The following KIAA0586 variants were observed in gnomAD, a reference collection of about 807,000 sequenced individuals.
The protein encoded by KIAA0586 is KIAA0586, also known as protein TALPID3.
In KIAA0586, 144 loss-of-function variants were observed where a neutral mutation model predicts 169.8. That is an observed-to-expected ratio of 0.85 (90% CI 0.74 to 0.97). The LOEUF (loss-of-function observed/expected upper bound fraction) is 0.97. Among genes scored for constraint, KIAA0586 ranks in the 50% least tolerant of loss-of-function variants. The pLI is 0.00. For missense variants in KIAA0586, 1,854 were observed against 1,823.0 expected (o/e 1.02, Z -0.31); for synonymous variants, 625 against 612.4 (o/e 1.02, Z -0.30).
chr14:58,482,003 G>A (rs775389450), intron 20 of KIAA0586, among the ~76,000 whole-genome samples: 2 of 151,596 alleles, frequency 1.3e-5, no homozygotes, highest in African/African-American at 2.4e-5. Flanking sequence ...TAGTAGAGAC[G>A]GGGTTTCACC....
intron 17 of KIAA0586, among the ~76,000 whole-genome samples, chr14:58,471,577 C>T (rs1187860260): frequency 6.6e-6 from 1 of 152,134 alleles, no homozygotes; most frequent in Non-Finnish European, 1.5e-5. Flanking sequence ...AGCAATCTTT[C>T]ATGATCATAA....
intron 30 of KIAA0586, 99 bp from the exon 31 acceptor site, chr14:58,547,682 G>GGGGGCCC: frequency 1.0e-6 from 1 of 964,700 alleles, no homozygotes; most frequent in Non-Finnish European, 1.5e-6. Flanking sequence ...TTTGGAATCC[G>GGGGGCCC]CGCCCCCCCA....
Position 58,474,737 on chromosome 14 carries a change from C to T in KIAA0586, c.2765C>T (p.Ala922Val), listed in dbSNP as rs778611816. Residue 922 changes from alanine to valine, a missense_variant, in exon 19 of 31, where the codon GCT becomes GTT. By Grantham distance (64) the Ala-to-Val change is moderately conservative. Coordinates refer to ENST00000652326, the MANE Select transcript of KIAA0586 (RefSeq NM_001329943.3). ...GTTGCTTCTACTTTTCAGCCCACTGCTGATATTCTGGATAAAGTAATTGAG... is the reference window on the plus strand; with the variant it reads ...GTTGCTTCTACTTTTCAGCCCACTGTTGATATTCTGGATAAAGTAATTGAG... ...PPVASTFQPTADILDKVIERK... is the reference protein window; with the variant it reads ...PPVASTFQPTVDILDKVIERK... 4.3e-6 allele frequency: 7 copies of T among 1,612,736 alleles called. No individual in the cohort carries two copies. In the African/African-American group the frequency reaches 6.7e-5, roughly 15 times the overall value.
At chr14:58,472,734 A>G (rs2041322828) in intron 18 of KIAA0586, among the ~76,000 whole-genome samples, 1 of 151,684 alleles carries the variant, frequency 6.6e-6, no homozygotes. Flanking sequence ...AAATAGAGGG[A>G]AAAATAGGTG....
chr14:58,488,197 A>G (rs1049781582), intron 23 of KIAA0586, 88 bp downstream of exon 23: 3 of 1,066,166 alleles, frequency 2.8e-6, no homozygotes, highest in Admixed American at 4.9e-5. Context: ...ATATTATACA[A>G]AGCTTTATAA....
At chr14:58,431,889 T>A (rs2037403650) in intron 3 of KIAA0586, among the ~76,000 whole-genome samples, 1 of 152,206 alleles carries the variant, frequency 6.6e-6, no homozygotes, top group African/African-American at 2.4e-5. Context: ...TATTAGTGTA[T>A]AGAAACGCTA....
intron 2 of KIAA0586, among the ~76,000 whole-genome samples, chr14:58,430,253 A>T (rs2140400348): frequency 6.6e-6 from 1 of 152,246 alleles, no homozygotes; most frequent in East Asian, 1.9e-4. Context: ...AATTGAGAAT[A>T]AATGGGTGAT....
At position 58,484,906 on chromosome 14, in the gene KIAA0586, A is replaced by ATATATATTTT. The variant is rs1555391514; in HGVS notation, c.3145-2094_3145-2093insTTTTATATAT. Among the ~76,000 whole-genome samples the ATATATATTTT allele has an allele frequency of 1.8e-3, 47 of 26,198 alleles. 4 individuals carry two copies. The highest frequency in any genetic ancestry group is 3.1e-3 in the Non-Finnish European group (41 of 13,332). 17.2% of individuals were successfully genotyped at this position (26,198 alleles called of 152,430 possible). A position where few individuals can be genotyped will look rare whatever the true frequency, so the allele number is the denominator to read the frequency against. ...TATATATATTTATATATATATATAT[A>ATATATATTTT]TATATATATATATATATATTTTTTT... On this transcript the variant is annotated intron_variant, in intron 21 of 30. Coordinates refer to ENST00000652326, the MANE Select transcript of KIAA0586 (RefSeq NM_001329943.3).
chr14:58,457,607 G>C lies in KIAA0586; in HGVS notation c.1363-152G>C, dbSNP rs1261035462. On this transcript the variant is annotated intron_variant, in intron 10 of 30. Coordinates refer to ENST00000652326, the MANE Select transcript of KIAA0586 (RefSeq NM_001329943.3). ...TAAATGGAGGAAAAACACTTTGATT[G>C]CCAAGTATTCTTTTGTAAGTCTTCA... Among the ~76,000 whole-genome samples, 7 of 152,166 alleles carry C rather than the reference G, an allele frequency of 4.6e-5. No individual in the cohort carries two copies. The East Asian group carries it at 1.3e-3, about 29-fold the overall frequency.
intron 6 of KIAA0586, 35 bp downstream of exon 6, chr14:58,444,210 CT>C: frequency 7.6e-7 from 1 of 1,317,510 alleles, no homozygotes; most frequent in Non-Finnish European, 1.1e-6. Context: ...ATTCCATAAT[CT>C]TTTATCACTT....
At chr14:58,450,333 T>C (rs2039261402) in intron 7 of KIAA0586, among the ~76,000 whole-genome samples, 1 of 152,206 alleles carries the variant, frequency 6.6e-6, no homozygotes, top group Non-Finnish European at 1.5e-5. Context: ...CCTGCCAGTT[T>C]CACCGCAGCT....
intron 20 of KIAA0586, among the ~76,000 whole-genome samples, chr14:58,480,342 CT>C (rs200827035): frequency 0.04 from 602 of 14,872 alleles, 5 homozygotes; most frequent in African/African-American, 0.092. Context: ...AATTCTTCCT[CT>C]TTTAAAAAAA....
At position 58,470,956 on chromosome 14, in the gene KIAA0586, A is replaced by G. The variant is rs1748987; in HGVS notation, c.2553+233A>G. Among the ~76,000 whole-genome samples, 148,503 of 151,952 alleles carry G rather than the reference A, an allele frequency of 0.98. 72,650 individuals carry two copies. The highest frequency in any genetic ancestry group is 1 in the Non-Finnish European group (67,874 of 67,912). On this transcript the variant is annotated intron_variant, in intron 17 of 30. Transcript: ENST00000652326. ...AACCTCCGCCTCCCGGGTTCAACCA[A>G]TTCTCCTGCCTCAGCCTCCTGAGTA...
At position 58,467,859 on chromosome 14, in the gene KIAA0586, A is replaced by G. The variant is rs771570140; in HGVS notation, c.2379A>G (p.Lys793=). ...GAAAAGTAGAAACTGGAGTAAAGAA[A>G]CCTAACATAGCCATTGTAGAAATGA... ...SSRKVETGVK[K]PNIAIVEMKS... Residue 793 remains lysine, a synonymous_variant, in exon 16 of 31, where the codon AAA becomes AAG. Coordinates refer to ENST00000652326, the MANE Select transcript of KIAA0586 (RefSeq NM_001329943.3). The G allele has an allele frequency of 6.2e-7, 1 of 1,613,844 alleles. No individual in the cohort carries two copies. Among genetic ancestry groups the G allele is most frequent in the Non-Finnish European group, 8.5e-7 (1 of 1,179,804 alleles).
chr14:58,457,858 G>A lies in KIAA0586; in HGVS notation c.1462G>A (p.Glu488Lys), dbSNP rs1399477652. Residue 488 changes from glutamate to lysine, a missense_variant, in exon 11 of 31, where the codon GAG becomes AAG. By Grantham distance (56) the Glu-to-Lys change is moderately conservative. Transcript: ENST00000652326. ...AACAAGATCTGTATTGAAAGATGCT[G>A]AGAAGATTTTGAGAGGAGTACAAAA... is the stretch of plus-strand genomic sequence containing the variant. ...NTTRSVLKDA[E>K]KILRGVQNNK... 1.2e-6 allele frequency: 2 copies of A among 1,608,588 alleles called. No homozygotes were observed. The highest frequency in any genetic ancestry group is 1.3e-5 in the African/African-American group (1 of 74,848).
In KIAA0586 at chr14:58,444,915, G is replaced by GGAA. The variant is rs1189319999; in HGVS notation, c.807+740_807+741insGAA. Among the ~76,000 whole-genome samples the GGAA allele has an allele frequency of 3.6e-5, 4 of 111,948 alleles. 1 individual carries two copies. The highest frequency in any genetic ancestry group is 1.1e-4 in the African/African-American group (3 of 28,036). The allele number at this position is 111,948 out of a possible 152,430, so 73.4% of individuals were successfully genotyped here. Reference sequence around the variant, plus strand: ...GATGTAGCAAGACCTCATCTCTTAGGAAAAAAAAAAAAAAAAAAAAAAAAA... The same window carrying GGAA: ...GATGTAGCAAGACCTCATCTCTTAGGGAAAAAAAAAAAAAAAAAAAAAAAAAAA... On this transcript the variant is annotated intron_variant, in intron 6 of 30. Transcript: ENST00000652326.
At chr14:58,475,632 C>A (rs1476544457) in intron 19 of KIAA0586, among the ~76,000 whole-genome samples, 1 of 152,010 alleles carries the variant, frequency 6.6e-6, no homozygotes, top group East Asian at 1.9e-4. Context: ...TGTATTTTTA[C>A]TTGTAAGAAA....
At chr14:58,484,903 T>TTTATATATATTTTTATATATAA (rs61008808) in intron 21 of KIAA0586, among the ~76,000 whole-genome samples, 1 of 13,500 alleles carries the variant, frequency 7.4e-5, no homozygotes, top group African/African-American at 2.3e-4. Context: ...TATATATATA[T>TTTATATATATTTTTATATATAA]ATATATATAT....
At chr14:58,524,970 G>A (rs2045477510) in intron 29 of KIAA0586, among the ~76,000 whole-genome samples, 2 of 152,122 alleles carry the variant, frequency 1.3e-5, no homozygotes, top group South Asian at 2.1e-4. Context: ...CTCCCAAAGT[G>A]CTAGGATAAC....
Sources: allele counts gnomAD v4.1 joint callset (sites outside exome capture counted in the v4.1 genomes callset), GRCh38; gene constraint gnomAD v4.1.1; transcripts MANE v1.5; gene names NCBI Gene and HGNC (gene_info 2026-07-23, HGNC 2026-07-21).